The following TNFAIP2 variants were observed in gnomAD, a reference collection of about 807,000 sequenced individuals.
TNFAIP2 encodes the protein TNF alpha induced protein 2.
TNFAIP2 carries 47 observed loss-of-function variants against 63.5 expected under a neutral mutation model. The observed-to-expected ratio is 0.74, with a 90% CI of 0.59 to 0.94. TNFAIP2 has a LOEUF of 0.94. TNFAIP2 is among the 40% of genes least tolerant of loss of function. The pLI, the probability that TNFAIP2 is intolerant of heterozygous loss-of-function variation, is 0.00. For synonymous variants in TNFAIP2, 405 were observed against 390.2 expected, an observed-to-expected ratio of 1.04 and a Z score of -0.45; for missense variants, 787 against 850.2, an observed-to-expected ratio of 0.93 and a Z score of 0.92.
Position 103,135,699 on chromosome 14 carries a change from A to G in TNFAIP2, c.*339A>G. On this transcript the variant is annotated 3_prime_UTR_variant, in exon 12 of 12. Transcript: ENST00000560869. This position sits in a 1 kb window ranked among gnomAD's most constrained non-coding sequence, Gnocchi z 7.6. Reference sequence around the variant, plus strand: ...CAGGGATCCCCGGACACCTCTGTCCAGAGCCCCTCCACAGTCGGCCTCATG... The same window carrying G: ...CAGGGATCCCCGGACACCTCTGTCCGGAGCCCCTCCACAGTCGGCCTCATG... The G allele has an allele frequency of 7.2e-6, 9 of 1,249,894 alleles. No individual in the cohort carries two copies. Among genetic ancestry groups the G allele is most frequent in the Non-Finnish European group, 9.2e-6 (9 of 979,748 alleles). 77.4% of individuals were successfully genotyped at this position (1,249,894 alleles called of 1,614,324 possible). A position where few individuals can be genotyped will look rare whatever the true frequency, so the allele number is the denominator to read the frequency against.
chr14:103,127,532 C>T lies in TNFAIP2; in HGVS notation c.763C>T (p.Gln255Ter), dbSNP rs1324643660. 6.3e-7 allele frequency: 1 copy of T among 1,588,596 alleles called. No homozygotes were observed. The highest frequency in any genetic ancestry group is 8.5e-7 in the Non-Finnish European group (1 of 1,174,558). ...GGCGGCCTACGCCGAGAGCTACCAC[C>T]AGCACTTCGCGGCCCACCTGGCCGC... ...VVAAYAESYH[Q>*]HFAAHLAAVA... Residue 255 changes from glutamine (Q) to a stop codon, truncating the protein, a stop_gained, in exon 3 of 12, where the codon CAG (glutamine) becomes TAG (stop). Transcript: ENST00000560869. LOFTEE classifies it high-confidence loss of function. The surrounding 1 kb of genome is among the most constrained non-coding windows in gnomAD (Gnocchi z 5.1).
chr14:103,122,193 A>G (rs1891133861), upstream of TNFAIP2, among the ~76,000 whole-genome samples: 1 of 152,148 alleles, frequency 6.6e-6, no homozygotes, highest in Non-Finnish European at 1.5e-5. Flanking sequence ...CCGCTCCCCC[A>G]CAGGTTCCCC....
In TNFAIP2 at chr14:103,135,473, T is replaced by C. The variant is rs1176609348; in HGVS notation, c.*113T>C. The C allele has an allele frequency of 4.9e-5, 74 of 1,505,226 alleles. No individual in the cohort carries two copies. The highest frequency in any genetic ancestry group is 5.6e-5 in the Non-Finnish European group (64 of 1,136,448). The allele number at this position is 1,505,226 out of a possible 1,614,324, so 93.2% of individuals were successfully genotyped here. A position where few individuals can be genotyped will look rare whatever the true frequency, so the allele number is the denominator to read the frequency against. The stretch of plus-strand genomic sequence containing the variant: ...GGTTCCTCCCGGGTCTCCTGTGCTC[T>C]GATGCTACTTCTGCCTAGCCCTGGC... On this transcript the variant is annotated 3_prime_UTR_variant, in exon 12 of 12. Transcript: ENST00000560869. The surrounding 1 kb of genome is among the most constrained non-coding windows in gnomAD (Gnocchi z 7.6).
At chr14:103,134,359 C>T (rs371082722) in intron 11 of TNFAIP2, among the ~76,000 whole-genome samples, 1 of 152,192 alleles carries the variant, frequency 6.6e-6, no homozygotes, top group African/African-American at 2.4e-5. Flanking sequence ...TTCATTCATT[C>T]ACCCACCATA....
chr14:103,132,709 T>C, intron 8 of TNFAIP2, 41 bp from the exon 9 acceptor site: 1 of 1,599,102 alleles, frequency 6.3e-7, no homozygotes, highest in South Asian at 1.1e-5. Context: ...CAGCCCTTCC[T>C]CTCCAGGGCG....
At chr14:103,134,755 A>C (rs1314104183) in intron 11 of TNFAIP2, among the ~76,000 whole-genome samples, 1 of 152,180 alleles carries the variant, frequency 6.6e-6, no homozygotes, top group Non-Finnish European at 1.5e-5. Flanking sequence ...ACCAGGATGC[A>C]ATGAAGTACA....
At chr14:103,122,926 C>T (rs2139539621), upstream of TNFAIP2, 1 of 421,102 alleles carries the variant, frequency 2.4e-6, no homozygotes, top group East Asian at 7.1e-5. Flanking sequence ...TGTGCACAGC[C>T]GCGCGGCCAG....
At chr14:103,130,533 A>C (rs2087952258) in intron 6 of TNFAIP2, 118 bp downstream of exon 6, 1 of 965,228 alleles carries the variant, frequency 1.0e-6, no homozygotes, top group East Asian at 2.6e-5. Context: ...TGTCCCTGTC[A>C]TTCTGAGCCA....
At position 103,127,055 on chromosome 14, in the gene TNFAIP2, C is replaced by A. The variant is rs2087870293; in HGVS notation, c.286C>A (p.Pro96Thr). 7.9e-6 allele frequency: 9 copies of A among 1,144,034 alleles called. No individual in the cohort carries two copies. Among genetic ancestry groups the A allele is most frequent in the South Asian group, 6.4e-5 (2 of 31,016 alleles). 70.9% of individuals were successfully genotyped at this position (1,144,034 alleles called of 1,614,324 possible). Reference protein sequence around the residue: ...LERGQLEAARPLLALERELAA... With the variant: ...LERGQLEAARTLLALERELAA... ...GCGCGGGCAGCTGGAGGCGGCGCGG[C>A]CGCTGCTGGCGCTGGAGCGGGAGCT... Residue 96 changes from proline (P) to threonine (T), a missense_variant, in exon 3 of 12, where the codon CCG (proline) becomes ACG (threonine). By Grantham distance (38) the Pro-to-Thr change is conservative. Transcript: ENST00000560869. This position sits in a 1 kb window ranked among gnomAD's most constrained non-coding sequence, Gnocchi z 5.1.
chr14:103,129,731 T>C lies in TNFAIP2; in HGVS notation c.861-9T>C, dbSNP rs745725861. The C allele has an allele frequency of 1.2e-6, 2 of 1,612,970 alleles. No homozygotes were observed. The highest frequency in any genetic ancestry group is 4.5e-5 in the East Asian group (2 of 44,854). On this transcript the variant is annotated splice_polypyrimidine_tract_variant and intron_variant, in intron 3 of 11. Coordinates refer to ENST00000560869, the MANE Select transcript of TNFAIP2 (RefSeq NM_006291.4). ...TAGTTGTCCTCATGCCAGCCTCCCCTGCCTGCAGTGACATCATCAACAGCC... is the reference window on the plus strand; with the variant it reads ...TAGTTGTCCTCATGCCAGCCTCCCCCGCCTGCAGTGACATCATCAACAGCC...
Position 103,127,387 on chromosome 14 carries a change from G to A in TNFAIP2, c.618G>A (p.Pro206=). ...CCGAGGAGCGCATGGGCCAGCGGCCGGCCGCGGGCGCCGAGGTCCCCGAGA... is the reference window on the plus strand; with the variant it reads ...CCGAGGAGCGCATGGGCCAGCGGCCAGCCGCGGGCGCCGAGGTCCCCGAGA... The part of the protein sequence containing the change: ...EAAEERMGQR[P]AAGAEVPESV... The change falls in exon 3 of 12, where the codon CCG becomes CCA. Residue 206 remains proline (P), a synonymous_variant. Coordinates refer to ENST00000560869, the MANE Select transcript of TNFAIP2 (RefSeq NM_006291.4). This position sits in a 1 kb window ranked among gnomAD's most constrained non-coding sequence, Gnocchi z 5.1. The A allele has an allele frequency of 6.5e-7, 1 of 1,532,818 alleles. No individual in the cohort carries two copies. Among genetic ancestry groups the A allele is most frequent in the Non-Finnish European group, 8.7e-7 (1 of 1,145,798 alleles). 95.0% of individuals were successfully genotyped at this position (1,532,818 alleles called of 1,614,324 possible).
Position 103,132,786 on chromosome 14 carries a change from G to A in TNFAIP2, c.1459G>A (p.Ala487Thr). The change falls in exon 9 of 12, where the codon GCC (alanine) becomes ACC (threonine). Residue 487 changes from alanine to threonine, a missense_variant. By Grantham distance (58) the Ala-to-Thr change is moderately conservative. Around this residue, in one of 3 missense-constraint regions of TNFAIP2, gnomAD observed 523 missense variants for 604.1 expected, o/e 0.87. Transcript: ENST00000560869. ...GAGGTTCACGCACACCCGCTGGGCGGCCCCTGTGGAGACCCTGGAAAACAT... is the reference window on the plus strand; with the variant it reads ...GAGGTTCACGCACACCCGCTGGGCGACCCCTGTGGAGACCCTGGAAAACAT... ...FKRFTHTRWA[A>T]PVETLENIIA... 1 of 1,613,904 alleles carries A rather than the reference G, an allele frequency of 6.2e-7. No homozygotes were observed. The highest frequency in any genetic ancestry group is 8.5e-7 in the Non-Finnish European group (1 of 1,179,934).
Position 103,126,530 on chromosome 14 carries a change from G to A in TNFAIP2, c.73G>A (p.Glu25Lys). 6.3e-7 allele frequency: 1 copy of A among 1,582,206 alleles called. No individual in the cohort carries two copies. The highest frequency in any genetic ancestry group is 8.6e-7 in the Non-Finnish European group (1 of 1,164,416). The change falls in exon 2 of 12, where the codon GAG (glutamate) becomes AAG (lysine). Residue 25 changes from glutamate (E) to lysine (K), a missense_variant. By Grantham distance (56) the Glu-to-Lys change is moderately conservative (BLOSUM62 1). Coordinates refer to ENST00000560869, the MANE Select transcript of TNFAIP2 (RefSeq NM_006291.4). Reference protein sequence around the residue: ...AGAAPYREEEEAAKKKKEKKK... With the variant: ...AGAAPYREEEKAAKKKKEKKK... ...GGCAGCCCCATATAGGGAGGAGGAA[G>A]AGGCGGCGAAGAAGAAGAAGGAGAA... is the stretch of plus-strand genomic sequence containing the variant.
rs2087869135 is a variant in TNFAIP2 at position 103,127,023 on chromosome 14, C to T, written c.254C>T (p.Ala85Val). 5.1e-6 allele frequency: 6 copies of T among 1,179,316 alleles called. No homozygotes were observed. The highest frequency in any genetic ancestry group is 2.8e-5 in the South Asian group (1 of 36,344). The allele number at this position is 1,179,316 out of a possible 1,614,324, so 73.1% of individuals were successfully genotyped here. ...PPPTVEELKA[A>V]LERGQLEAAR... The stretch of plus-strand genomic sequence containing the variant: ...GGCGCAGTGGAGGAGCTGAAGGCGG[C>T]GCTGGAGCGCGGGCAGCTGGAGGCG... The change falls in exon 3 of 12, where the codon GCG becomes GTG. Residue 85 changes from alanine to valine, a missense_variant. Physicochemically the swap from Ala to Val is moderately conservative, Grantham distance 64. Coordinates refer to ENST00000560869, the MANE Select transcript of TNFAIP2 (RefSeq NM_006291.4). The surrounding 1 kb of genome is among the most constrained non-coding windows in gnomAD (Gnocchi z 5.1).
Position 103,131,758 on chromosome 14 carries a change from T to C in TNFAIP2, c.1418T>C (p.Leu473Pro), listed in dbSNP as rs2087980733. ...CTGCTCCAGAACCTGCATGAGGACC[T>C]GAAGGTAGCGGGAGCCTCTTGCCCT... is the stretch of plus-strand genomic sequence containing the variant. ...DTLLQNLHED[L>P]KPLFKRFTHT... The change falls in exon 8 of 12, where the codon CTG becomes CCG. Residue 473 changes from leucine to proline, a missense_variant. Leu to Pro is a moderately conservative substitution (Grantham distance 98). This residue lies in a region of TNFAIP2 where 523 missense variants were observed against 604.1 expected (regional missense o/e 0.87). Coordinates refer to ENST00000560869, the MANE Select transcript of TNFAIP2 (RefSeq NM_006291.4). This position sits in a 1 kb window ranked among gnomAD's most constrained non-coding sequence, Gnocchi z 4.0. The C allele has an allele frequency of 6.2e-7, 1 of 1,611,158 alleles. No individual in the cohort carries two copies. Among genetic ancestry groups the C allele is most frequent in the Admixed American group, 1.7e-5 (1 of 59,934 alleles).
chr14:103,130,266 C>A (rs1373320460), intron 5 of TNFAIP2, 49 bp from the exon 6 acceptor site: 4 of 1,536,432 alleles, frequency 2.6e-6, no homozygotes, highest in Non-Finnish European at 3.5e-6. Flanking sequence ...GTCCCCTGCC[C>A]CCTTGTCCAG....
At position 103,126,448 on chromosome 14, in the gene TNFAIP2, AGAGGCCTCCATGTCG is replaced by A; in HGVS notation, c.1_15del (p.MetSerGluAlaSer1_?5). 1.9e-6 allele frequency: 3 copies of A among 1,569,008 alleles called. No homozygotes were observed. Among genetic ancestry groups the A allele is most frequent in the Admixed American group, 3.9e-5 (2 of 50,984 alleles). On this transcript the variant is annotated start_lost and 5_prime_UTR_variant, in exon 2 of 12. Transcript: ENST00000560869. ...TGCAGTCCACATCAGAGGCAGAGTC[AGAGGCCTCCATGTCG>A]GAGGCCTCCTCTGAGGACCTGGTGC...
chr14:103,133,288 A>C, intron 9 of TNFAIP2, 74 bp from the exon 10 acceptor site: 1 of 1,551,358 alleles, frequency 6.4e-7, no homozygotes. Context: ...AGGCCTGGCT[A>C]CAAGGCTTCA....
rs12436710 is a variant in TNFAIP2, at chr14:103,125,464, C to T, written c.-148-846C>T. 5.5e-3 allele frequency among the ~76,000 whole-genome samples: 843 copies of T among 152,190 alleles called. 24 individuals are homozygous for T. The highest frequency in any genetic ancestry group is 9.7e-3 in the East Asian group (50 of 5,174). Reference sequence around the variant, plus strand: ...TATTGACTATAGGGACAGTTTAAGCCGAAATAACACCCTTCCAGATGAGAG... The same window carrying T: ...TATTGACTATAGGGACAGTTTAAGCTGAAATAACACCCTTCCAGATGAGAG... On this transcript the variant is annotated intron_variant, in intron 1 of 11. Transcript: ENST00000560869.
Sources: gnomAD v4.1 joint callset for allele counts (sites outside exome capture counted in the v4.1 genomes callset) on GRCh38, gnomAD v4.1.1 for gene constraint, gnomAD v4.1.1 regional missense constraint, Gnocchi (gnomAD v3.1) non-coding constraint, MANE v1.5 for transcripts, NCBI Gene and HGNC (gene_info 2026-07-23, HGNC 2026-07-21) for gene names.